Variants in TMEM135 observed in about 807,000 individuals in gnomAD.
TMEM135 encodes the protein peroxisomal membrane protein 52.
TMEM135 carries 30 observed loss-of-function variants against 60.3 expected under a neutral mutation model. The ratio of observed to expected loss-of-function variants is 0.50; its 90% CI spans 0.37 to 0.68. The LOEUF (loss-of-function observed/expected upper bound fraction) is 0.68. Among genes scored for constraint, TMEM135 ranks in the 30% least tolerant of loss-of-function variants. The pLI is 0.00. For synonymous variants in TMEM135, 190 were observed against 186.7 expected (o/e 1.02, Z -0.14); for missense variants, 468 against 548.8 (o/e 0.85, Z 1.47).
chr11:87,160,567 G>A (rs1171399239), intron 5 of TMEM135, among the ~76,000 whole-genome samples: 1 of 152,126 alleles, frequency 6.6e-6, no homozygotes, highest in African/African-American at 2.4e-5. Context: ...TGCCCTGAAT[G>A]TACAGTAATT....
chr11:87,170,190 C>T (rs1939194928), intron 5 of TMEM135, among the ~76,000 whole-genome samples: 1 of 152,038 alleles, frequency 6.6e-6, no homozygotes, highest in South Asian at 2.1e-4. Context: ...TTCCTCTAAC[C>T]TTTTTTCATG....
intron 4 of TMEM135, among the ~76,000 whole-genome samples, chr11:87,115,598 TTTCTA>T (rs2135205518): frequency 6.6e-6 from 1 of 152,272 alleles, no homozygotes; most frequent in South Asian, 2.1e-4. Flanking sequence ...GGCATAGACT[TTTCTA>T]TTAGTTTTTA....
At chr11:87,286,742 T>C (rs1450374541) in intron 6 of TMEM135, among the ~76,000 whole-genome samples, 1 of 152,238 alleles carries the variant, frequency 6.6e-6, no homozygotes, top group African/African-American at 2.4e-5. Flanking sequence ...TGGTTCCTTT[T>C]TGACTTTCAA....
chr11:87,280,578 CA>C (rs372906820), intron 6 of TMEM135, among the ~76,000 whole-genome samples: 147 of 152,276 alleles, frequency 9.7e-4, no homozygotes, highest in African/African-American at 3.4e-3. Context: ...TTTTTCTGAA[CA>C]GCCTTCATGA....
intron 11 of TMEM135, among the ~76,000 whole-genome samples, 191 bp downstream of exon 11, chr11:87,313,679 T>C (rs1275099795): frequency 6.6e-6 from 1 of 151,784 alleles, no homozygotes; most frequent in Non-Finnish European, 1.5e-5. Context: ...TCTGATGTTT[T>C]GAGTTGGCAA....
At chr11:87,123,232 G>T (rs940031441) in intron 4 of TMEM135, among the ~76,000 whole-genome samples, 1 of 151,892 alleles carries the variant, frequency 6.6e-6, no homozygotes, top group East Asian at 1.9e-4. Flanking sequence ...CAGTTCAGAG[G>T]CTAGAAACCT....
In TMEM135 at chr11:87,127,411, G is replaced by GC. The variant is rs757349213; in HGVS notation, c.397-29929dup. ...AGATTCATGGCCTCCAGGTTTTGTG[G>GC]CACTGGCGTTTTAGTATCTGGAACG... On this transcript the variant is annotated intron_variant, in intron 4 of 14. Transcript: ENST00000305494. Among the ~76,000 whole-genome samples, 18 of 152,156 alleles carry GC rather than the reference G, an allele frequency of 1.2e-4. 1 individual carries two copies. Among genetic ancestry groups the GC allele is most frequent in the Non-Finnish European group, 2.4e-4 (16 of 68,036 alleles).
At chr11:87,155,515 C>T (rs1467560275) in intron 4 of TMEM135, among the ~76,000 whole-genome samples, 1 of 152,062 alleles carries the variant, frequency 6.6e-6, no homozygotes, top group Non-Finnish European at 1.5e-5. Context: ...TGTAAGAGGT[C>T]CATTGCCCAA....
chr11:87,250,566 A>C (rs1040374079), intron 6 of TMEM135, among the ~76,000 whole-genome samples: 1 of 151,884 alleles, frequency 6.6e-6, no homozygotes, highest in Non-Finnish European at 1.5e-5. Flanking sequence ...TTTAATGTCT[A>C]TGTGTAGTTT....
intron 5 of TMEM135, among the ~76,000 whole-genome samples, chr11:87,189,001 G>T (rs1173608560): frequency 6.6e-6 from 1 of 151,902 alleles, no homozygotes; most frequent in Non-Finnish European, 1.5e-5. Context: ...TCATTCTGTT[G>T]TTAAACATTT....
intron 6 of TMEM135, among the ~76,000 whole-genome samples, chr11:87,291,321 A>G (rs1942257220): frequency 6.6e-6 from 1 of 151,988 alleles, no homozygotes; most frequent in South Asian, 2.1e-4. Context: ...GTTTGATCAA[A>G]CCAAAAATTA....
intron 5 of TMEM135, among the ~76,000 whole-genome samples, chr11:87,229,706 A>C (rs1028368416): frequency 1.3e-5 from 2 of 152,164 alleles, no homozygotes; most frequent in Non-Finnish European, 2.9e-5. Flanking sequence ...ACTTCAGCAT[A>C]TCCATATGTG....
At chr11:87,075,436 T>G (rs1246914942) in intron 3 of TMEM135, among the ~76,000 whole-genome samples, 1 of 152,120 alleles carries the variant, frequency 6.6e-6, no homozygotes, top group Non-Finnish European at 1.5e-5. Flanking sequence ...TTACAGGCGT[T>G]CGCCACTGCA....
At chr11:87,045,800 G>C (rs1481882184) in intron 1 of TMEM135, among the ~76,000 whole-genome samples, 1 of 152,198 alleles carries the variant, frequency 6.6e-6, no homozygotes, top group Non-Finnish European at 1.5e-5. Context: ...AATATATGGT[G>C]AAGGGGAGAC....
chr11:87,124,398 G>C (rs1486086852), intron 4 of TMEM135, among the ~76,000 whole-genome samples: 2 of 152,146 alleles, frequency 1.3e-5, no homozygotes. Flanking sequence ...ATTCTTTAGA[G>C]GGAGAATCTG....
chr11:87,191,269 C>T (rs776726984), intron 5 of TMEM135, among the ~76,000 whole-genome samples: 4 of 151,270 alleles, frequency 2.6e-5, no homozygotes, highest in Admixed American at 6.6e-5. Flanking sequence ...GAGACAGAGT[C>T]CCGCTCTTTC....
At chr11:87,110,328 C>T (rs1288834405) in intron 4 of TMEM135, among the ~76,000 whole-genome samples, 1 of 152,034 alleles carries the variant, frequency 6.6e-6, no homozygotes, top group East Asian at 1.9e-4. Context: ...CCGGGCATGG[C>T]GGCTTGCATC....
chr11:87,169,149 C>G (rs952802028), intron 5 of TMEM135, among the ~76,000 whole-genome samples: 10 of 150,986 alleles, frequency 6.6e-5, no homozygotes, highest in African/African-American at 2.4e-4. Context: ...TTTCCATTTA[C>G]TCTGTAAATT....
At chr11:87,230,660 T>C (rs1940871156) in intron 5 of TMEM135, among the ~76,000 whole-genome samples, 2 of 152,090 alleles carry the variant, frequency 1.3e-5, no homozygotes, top group Admixed American at 1.3e-4. Context: ...TTAAAATATG[T>C]AAAGTGCTAA....
Sources: gnomAD v4.1 joint callset for allele counts (sites outside exome capture counted in the v4.1 genomes callset) on GRCh38, gnomAD v4.1.1 for gene constraint, MANE v1.5 for transcripts, NCBI Gene and HGNC (gene_info 2026-07-23, HGNC 2026-07-21) for gene names.